KCNH7: variants seen among roughly 807,000 people sequenced by gnomAD.
KCNH7 encodes the protein voltage-gated inwardly rectifying potassium channel KCNH7.
Under a neutral mutation model 120.8 loss-of-function variants are expected in KCNH7, and 49 were observed. The ratio of observed to expected loss-of-function variants is 0.41; its 90% CI spans 0.32 to 0.51. KCNH7 has a LOEUF of 0.51. Ranked by LOEUF, KCNH7 falls within the 20% of genes least tolerant of loss-of-function variation. The pLI, the probability that KCNH7 is intolerant of heterozygous loss-of-function variation, is 0.38. For synonymous variants in KCNH7, 547 were observed against 516.1 expected (o/e 1.06, Z -0.81); for missense variants, 1,097 against 1,446.6 (o/e 0.76, Z 3.92).
At chr2:162,723,612 T>C (rs980926140) in intron 2 of KCNH7, among the ~76,000 whole-genome samples, 2 of 152,242 alleles carry the variant, frequency 1.3e-5, no homozygotes, top group Non-Finnish European at 2.9e-5. Context: ...CATTTTTCTA[T>C]AGAGTCACAC....
chr2:162,717,117 G>A (rs1003790744), intron 2 of KCNH7, among the ~76,000 whole-genome samples: 1 of 152,006 alleles, frequency 6.6e-6, no homozygotes, highest in Non-Finnish European at 1.5e-5. Context: ...GAACTAAAAG[G>A]TTAAATCTTT....
At chr2:162,834,652 A>G (rs533602534) in intron 2 of KCNH7, among the ~76,000 whole-genome samples, 3 of 152,292 alleles carry the variant, frequency 2.0e-5, no homozygotes, top group African/African-American at 4.8e-5. Flanking sequence ...AGAAAATTCA[A>G]TAATTTAATA....
Position 162,406,397 on chromosome 2 carries a change from C to T in KCNH7, c.2155-5956G>A, listed in dbSNP as rs117871760. ...CACTTAGTATAGTTGCAGGGGGTAG[C>T]ATTCCCAAAGGCAGCCTGAATAAGG... On this transcript the variant is annotated intron_variant, in intron 9 of 15. Coordinates refer to ENST00000332142, the MANE Select transcript of KCNH7 (RefSeq NM_033272.4). Among the ~76,000 whole-genome samples the T allele has an allele frequency of 3.8e-3, 571 of 152,002 alleles. 18 individuals are homozygous for T. In the East Asian group the frequency reaches 0.099, roughly 26 times the overall value.
intron 3 of KCNH7, chr2:162,528,229 T>C (rs1247169567): frequency 1.3e-5 from 2 of 152,024 alleles, no homozygotes; most frequent in Admixed American, 1.3e-4. Flanking sequence ...AAAATGTCCC[T>C]GCCATGAAGT....
intron 2 of KCNH7, among the ~76,000 whole-genome samples, chr2:162,708,354 T>C (rs1358441328): frequency 6.6e-6 from 1 of 152,014 alleles, no homozygotes; most frequent in African/African-American, 2.4e-5. Context: ...GGCCAGGGAA[T>C]ATGAGGTAGG....
chr2:162,389,816 C>A (rs531592204), intron 12 of KCNH7, among the ~76,000 whole-genome samples: 18 of 151,880 alleles, frequency 1.2e-4, no homozygotes, highest in Non-Finnish European at 2.2e-4. Context: ...ACACTTTTTT[C>A]TGCTAAATTA....
chr2:162,809,946 C>A (rs2105565534), intron 2 of KCNH7, among the ~76,000 whole-genome samples: 1 of 16,138 alleles, frequency 6.2e-5, no homozygotes, highest in African/African-American at 1.6e-4. Flanking sequence ...GACGGAGTCT[C>A]GCTCTGTCGC....
chr2:162,838,301 T>C, intron 1 of KCNH7, 142 bp downstream of exon 1: 1 of 645,186 alleles, frequency 1.5e-6, no homozygotes, highest in South Asian at 1.9e-5. Context: ...CCCGCTGCCA[T>C]TCGAACCTCC....
At chr2:162,635,568 T>G (rs1683926336) in intron 2 of KCNH7, among the ~76,000 whole-genome samples, 1 of 152,070 alleles carries the variant, frequency 6.6e-6, no homozygotes, top group South Asian at 2.1e-4. Flanking sequence ...CACACAGGCC[T>G]AAAATTGCTG....
At chr2:162,529,156 G>A (rs898205540) in intron 3 of KCNH7, among the ~76,000 whole-genome samples, 11 of 151,966 alleles carry the variant, frequency 7.2e-5, no homozygotes, top group African/African-American at 2.4e-4. Flanking sequence ...AAAGATATGA[G>A]CTGGAGATAC....
At chr2:162,498,318 T>C (rs1204557961) in intron 6 of KCNH7, among the ~76,000 whole-genome samples, 1 of 150,498 alleles carries the variant, frequency 6.6e-6, no homozygotes, top group Non-Finnish European at 1.5e-5. Flanking sequence ...CCTTGTAGCA[T>C]TTAATTTAAT....
At chr2:162,473,232 T>TAAAAATA (rs993832077) in intron 6 of KCNH7, among the ~76,000 whole-genome samples, 2 of 147,064 alleles carry the variant, frequency 1.4e-5, no homozygotes, top group African/African-American at 5.0e-5. Flanking sequence ...TAAAAATAAA[T>TAAAAATA]AAAAATAAAA....
chr2:162,382,124 C>T (rs934535323), intron 13 of KCNH7, among the ~76,000 whole-genome samples: 2 of 152,014 alleles, frequency 1.3e-5, no homozygotes, highest in Non-Finnish European at 2.9e-5. Flanking sequence ...CAGCTCTCTT[C>T]TTTCCAAATT....
rs570027496 is a variant in KCNH7, at chr2:162,554,081, G to C, written c.308-17001C>G. Among the ~76,000 whole-genome samples, 5 of 152,184 alleles carry C rather than the reference G, an allele frequency of 3.3e-5. No homozygotes were observed. In the East Asian group the frequency reaches 9.7e-4, roughly 29 times the overall value. On this transcript the variant is annotated intron_variant, in intron 2 of 15. Coordinates refer to ENST00000332142, the MANE Select transcript of KCNH7 (RefSeq NM_033272.4). Reference sequence around the variant, plus strand: ...TAGCATGTTAAGCTAATGTTTACAGGGAACAAAGAAAATGACCCCTGTGGC... The same window carrying C: ...TAGCATGTTAAGCTAATGTTTACAGCGAACAAAGAAAATGACCCCTGTGGC...
chr2:162,601,845 G>A (rs1694569026), intron 2 of KCNH7, among the ~76,000 whole-genome samples: 1 of 152,012 alleles, frequency 6.6e-6, no homozygotes, highest in Non-Finnish European at 1.5e-5. Flanking sequence ...ACGGTTTGTA[G>A]CATTTCCATT....
intron 2 of KCNH7, among the ~76,000 whole-genome samples, chr2:162,705,774 G>C (rs902128370): frequency 1.8e-4 from 27 of 151,978 alleles, no homozygotes; most frequent in African/African-American, 6.3e-4. Context: ...GCAGAAAGTT[G>C]GTACTTGGTA....
intron 2 of KCNH7, among the ~76,000 whole-genome samples, chr2:162,718,597 G>C (rs2105369761): frequency 6.6e-6 from 1 of 152,058 alleles, no homozygotes; most frequent in Middle Eastern, 3.4e-3. Context: ...GGCTCATAAA[G>C]TGGCTCTGGA....
At chr2:162,715,946 TTGTGTGTGTG>T (rs55649777) in intron 2 of KCNH7, among the ~76,000 whole-genome samples, 11 of 146,396 alleles carry the variant, frequency 7.5e-5, no homozygotes, top group South Asian at 6.6e-4. Flanking sequence ...GAGCATGTCT[TTGTGTGTGTG>T]TGTGTGTGTG....
intron 2 of KCNH7, among the ~76,000 whole-genome samples, chr2:162,743,417 G>A (rs976650508): frequency 1.3e-5 from 2 of 152,014 alleles, no homozygotes; most frequent in Non-Finnish European, 2.9e-5. Flanking sequence ...AAATAAAAGT[G>A]ACAAACCAGA....
Sources: allele counts gnomAD v4.1 joint callset (sites outside exome capture counted in the v4.1 genomes callset), GRCh38; gene constraint gnomAD v4.1.1; transcripts MANE v1.5; gene names NCBI Gene and HGNC (gene_info 2026-07-23, HGNC 2026-07-21).